Variants in ADAMTS9 observed in about 807,000 individuals in gnomAD.
ADAMTS9 encodes the protein A disintegrin and metalloproteinase with thrombospondin motifs 9.
In ADAMTS9, 107 loss-of-function variants were observed where a neutral mutation model predicts 257.1. The observed-to-expected ratio is 0.42, with a 90% CI of 0.36 to 0.49. The LOEUF (loss-of-function observed/expected upper bound fraction) is 0.49. ADAMTS9 is among the 20% of genes least tolerant of loss of function. The pLI, the probability that ADAMTS9 is intolerant of heterozygous loss-of-function variation, is 0.03. For synonymous variants in ADAMTS9, 982 were observed against 880.9 expected (o/e 1.11, Z -2.03); for missense variants, 2,353 against 2,469.1 (o/e 0.95, Z 1.00).
At chr3:64,552,109 A>G (rs925119786) in intron 30 of ADAMTS9, among the ~76,000 whole-genome samples, 1 of 152,182 alleles carries the variant, frequency 6.6e-6, no homozygotes, top group Admixed American at 6.5e-5. Flanking sequence ...GAGATTTAAC[A>G]ATTACTGTAA....
chr3:64,658,931 C>G (rs898856850), intron 3 of ADAMTS9, 140 bp from the exon 4 acceptor site: 62 of 832,556 alleles, frequency 7.4e-5, no homozygotes, highest in Non-Finnish European at 1.1e-4. Context: ...TCTACAGATG[C>G]ACCTCAATCC....
chr3:64,612,387 T>A (rs997848412), intron 22 of ADAMTS9, among the ~76,000 whole-genome samples: 1 of 152,148 alleles, frequency 6.6e-6, no homozygotes, highest in Non-Finnish European at 1.5e-5. Flanking sequence ...GAAGATGAGA[T>A]TAGAAGTATA....
intron 32 of ADAMTS9, among the ~76,000 whole-genome samples, chr3:64,546,448 T>C (rs1158982008): frequency 6.6e-6 from 1 of 152,194 alleles, no homozygotes; most frequent in Non-Finnish European, 1.5e-5. Context: ...TCTTCACAAC[T>C]ACCAGTTTTG....
chr3:64,662,580 T>C (rs140968390), intron 3 of ADAMTS9, among the ~76,000 whole-genome samples: 4 of 152,326 alleles, frequency 2.6e-5, no homozygotes, highest in Admixed American at 2.6e-4. Context: ...TTTGGTGTTC[T>C]GTTATCAGGT....
intron 16 of ADAMTS9, among the ~76,000 whole-genome samples, chr3:64,627,175 C>G (rs1700244516): frequency 6.6e-6 from 1 of 152,164 alleles, no homozygotes; most frequent in Non-Finnish European, 1.5e-5. Context: ...GAGTGATAGT[C>G]TATTCTGGGT....
rs143059938 is a variant in ADAMTS9 at position 64,576,683 on chromosome 3, G to A, written c.4357-8148C>T. Among the ~76,000 whole-genome samples the A allele has an allele frequency of 3.8e-3, 573 of 152,264 alleles. 3 individuals are homozygous for A. Among genetic ancestry groups the A allele is most frequent in the African/African-American group, 0.013 (533 of 41,556 alleles). On this transcript the variant is annotated intron_variant, in intron 28 of 39. Coordinates refer to ENST00000498707, the MANE Select transcript of ADAMTS9 (RefSeq NM_182920.2). ...GAACACCAAGGAAGAAAGCGGATGT[G>A]GGAGTCACGGTCATCCCAGCCGGAT...
chr3:64,577,980 C>A (rs2083896584), intron 28 of ADAMTS9, among the ~76,000 whole-genome samples: 1 of 152,206 alleles, frequency 6.6e-6, no homozygotes, highest in Non-Finnish European at 1.5e-5. Context: ...TACAGGCCAG[C>A]ATGTCAGGTA....
chr3:64,543,702 T>C (rs1248877424), intron 32 of ADAMTS9, among the ~76,000 whole-genome samples: 1 of 152,192 alleles, frequency 6.6e-6, no homozygotes, highest in Non-Finnish European at 1.5e-5. Flanking sequence ...CTTTGAAAAT[T>C]GGCACAAGAC....
At chr3:64,664,511 G>C (rs1701304401) in intron 3 of ADAMTS9, among the ~76,000 whole-genome samples, 1 of 152,094 alleles carries the variant, frequency 6.6e-6, no homozygotes. Context: ...GACATGTCAT[G>C]TAAGTAGTCA....
At chr3:64,618,433 T>A (rs1244929161) in intron 19 of ADAMTS9, among the ~76,000 whole-genome samples, 1 of 152,204 alleles carries the variant, frequency 6.6e-6, no homozygotes, top group African/African-American at 2.4e-5. Flanking sequence ...ATACCTACTA[T>A]ATGAAACACA....
At chr3:64,536,584 A>T (rs2083052670) in intron 37 of ADAMTS9, among the ~76,000 whole-genome samples, 1 of 152,202 alleles carries the variant, frequency 6.6e-6, no homozygotes, top group African/African-American at 2.4e-5. Flanking sequence ...ATTCAGACAC[A>T]CTTAGGTTCA....
intron 16 of ADAMTS9, among the ~76,000 whole-genome samples, chr3:64,623,003 A>G (rs998579852): frequency 2.0e-5 from 3 of 152,224 alleles, no homozygotes; most frequent in African/African-American, 7.2e-5. Flanking sequence ...TATATATACT[A>G]GAATTAGTCA....
intron 3 of ADAMTS9, among the ~76,000 whole-genome samples, chr3:64,676,209 G>A (rs1000507235): frequency 5.3e-5 from 8 of 152,060 alleles, no homozygotes; most frequent in Non-Finnish European, 1.0e-4. Context: ...ATAAAGGACC[G>A]ATAATCTCCA....
At chr3:64,524,083 C>T (rs974238676) in intron 38 of ADAMTS9, among the ~76,000 whole-genome samples, 1 of 152,142 alleles carries the variant, frequency 6.6e-6, no homozygotes, top group African/African-American at 2.4e-5. Flanking sequence ...TTATACACTT[C>T]CCATGCTGTC....
intron 28 of ADAMTS9, chr3:64,586,718 T>C (rs977644136): frequency 6.6e-6 from 1 of 152,164 alleles, no homozygotes; most frequent in African/African-American, 2.4e-5. Context: ...TTTTTGACAC[T>C]GTAGACATTA....
In ADAMTS9 at chr3:64,602,172, C is replaced by G. The variant is rs1398913739; in HGVS notation, c.3789G>C (p.Val1263=). ...CGTGGTCACTGTAGTTGACACACAT[C>G]ACTTGCCGGGTTGCCCTACCTTGCC... ...TCGQGRATRQ[V]MCVNYSDHVI... Residue 1263 remains valine, a synonymous_variant, in exon 26 of 40, where the codon GTG becomes GTC. Coordinates refer to ENST00000498707, the MANE Select transcript of ADAMTS9 (RefSeq NM_182920.2). The G allele has an allele frequency of 6.2e-7, 1 of 1,614,104 alleles. No individual in the cohort carries two copies. Among genetic ancestry groups the G allele is most frequent in the African/African-American group, 1.3e-5 (1 of 75,060 alleles).
chr3:64,640,013 T>C (rs1367622288), intron 12 of ADAMTS9, among the ~76,000 whole-genome samples: 1 of 152,184 alleles, frequency 6.6e-6, no homozygotes, highest in East Asian at 1.9e-4. Flanking sequence ...AAATATTCTA[T>C]ATGTTTGTGT....
intron 37 of ADAMTS9, among the ~76,000 whole-genome samples, chr3:64,537,002 C>T (rs558033960): frequency 2.0e-4 from 31 of 152,292 alleles, no homozygotes; most frequent in Non-Finnish European, 3.5e-4. Flanking sequence ...CCACCTACTC[C>T]GAAGCAGTCT....
At chr3:64,561,794 T>G in intron 29 of ADAMTS9, 43 bp from the exon 30 acceptor site, 1 of 1,434,966 alleles carries the variant, frequency 7.0e-7, no homozygotes. Context: ...GGCTCATTTA[T>G]TTTTTGGGGG....
Sources: allele counts gnomAD v4.1 joint callset (sites outside exome capture counted in the v4.1 genomes callset), GRCh38; gene constraint gnomAD v4.1.1; transcripts MANE v1.5; gene names NCBI Gene and HGNC (gene_info 2026-07-23, HGNC 2026-07-21).